SLC25A21: variants seen among roughly 807,000 people sequenced by gnomAD.
SLC25A21 encodes the protein solute carrier family 25 member 21.
In SLC25A21, 47 loss-of-function variants were observed where a neutral mutation model predicts 43.8. The ratio of observed to expected loss-of-function variants is 1.07; its 90% CI spans 0.85 to 1.37. The LOEUF is 1.37. SLC25A21 is among the 40% of genes most tolerant of loss of function. SLC25A21 has a pLI of 0.00. For synonymous variants in SLC25A21, 131 were observed against 121.3 expected (o/e 1.08, Z -0.52); for missense variants, 352 against 350.2 (o/e 1.00, Z -0.04).
intron 1 of SLC25A21, among the ~76,000 whole-genome samples, chr14:37,060,445 A>G (rs576518751): frequency 7.3e-5 from 11 of 150,200 alleles, no homozygotes; most frequent in African/African-American, 2.2e-4. Flanking sequence ...CAAGAGAAGT[A>G]GGGCATGGTG....
At chr14:36,805,523 T>TA (rs1281465790) in intron 3 of SLC25A21, among the ~76,000 whole-genome samples, 4 of 152,190 alleles carry the variant, frequency 2.6e-5, no homozygotes, top group African/African-American at 7.2e-5. Flanking sequence ...GAGGAACTGT[T>TA]ACTTTACAAC....
chr14:37,169,220 G>C (rs1266101561), intron 1 of SLC25A21, among the ~76,000 whole-genome samples: 2 of 152,092 alleles, frequency 1.3e-5, no homozygotes, highest in South Asian at 4.2e-4. Flanking sequence ...TTTGCTGTCT[G>C]TATAACTAAT....
intron 1 of SLC25A21, among the ~76,000 whole-genome samples, chr14:37,006,957 A>C (rs947352115): frequency 6.6e-6 from 1 of 152,150 alleles, no homozygotes; most frequent in Non-Finnish European, 1.5e-5. Context: ...AAACAAACAA[A>C]CCCAGCATAA....
intron 2 of SLC25A21, among the ~76,000 whole-genome samples, chr14:36,873,377 C>A (rs912103688): frequency 6.6e-6 from 1 of 152,152 alleles, no homozygotes; most frequent in African/African-American, 2.4e-5. Context: ...CTCACTGCAA[C>A]CTCTACCTCC....
intron 7 of SLC25A21, among the ~76,000 whole-genome samples, chr14:36,707,798 G>T (rs1352305798): frequency 1.3e-5 from 2 of 152,204 alleles, no homozygotes; most frequent in Admixed American, 6.5e-5. Context: ...GTACAGAGAA[G>T]ATTACAGTGG....
chr14:36,724,426 G>C (rs1305771019), intron 6 of SLC25A21, among the ~76,000 whole-genome samples: 2 of 152,240 alleles, frequency 1.3e-5, no homozygotes, highest in Non-Finnish European at 2.9e-5. Context: ...CCACCCATTA[G>C]CAGCTGCTTA....
chr14:36,707,017 T>A lies in SLC25A21; in HGVS notation c.603+4301A>T, dbSNP rs897694660. On this transcript the variant is annotated intron_variant, in intron 7 of 9. Transcript: ENST00000331299. The stretch of plus-strand genomic sequence containing the variant: ...GCCTACAAGGGCCAGTATGATCTGA[T>A]CCCCTTGTGTCTCTCTAGCAACATT... Among the ~76,000 whole-genome samples, 3 of 152,200 alleles carry A rather than the reference T, an allele frequency of 2.0e-5. No homozygotes were observed. The East Asian group carries it at 5.8e-4, about 29-fold the overall frequency.
At chr14:37,011,250 T>C (rs1174633106) in intron 1 of SLC25A21, among the ~76,000 whole-genome samples, 1 of 152,148 alleles carries the variant, frequency 6.6e-6, no homozygotes, top group Admixed American at 6.5e-5. Context: ...CTCAAACTCC[T>C]GCCCTCAAGA....
chr14:37,000,908 T>C (rs947589141), intron 1 of SLC25A21, among the ~76,000 whole-genome samples: 32 of 152,134 alleles, frequency 2.1e-4, no homozygotes, highest in Non-Finnish European at 4.3e-4. Context: ...TCCTGTTCAG[T>C]CTGTGAAACT....
At chr14:36,915,482 G>A (rs939382150) in intron 1 of SLC25A21, among the ~76,000 whole-genome samples, 8 of 152,034 alleles carry the variant, frequency 5.3e-5, no homozygotes, top group Admixed American at 3.3e-4. Flanking sequence ...TGAACATTTC[G>A]CCATGGAACC....
chr14:37,012,866 A>T (rs532889357), intron 1 of SLC25A21, among the ~76,000 whole-genome samples: 1 of 152,268 alleles, frequency 6.6e-6, no homozygotes, highest in South Asian at 2.1e-4. Context: ...CCACTGTCAG[A>T]ATGACAAAAC....
chr14:36,733,821 G>A (rs1448748069), intron 4 of SLC25A21, among the ~76,000 whole-genome samples: 1 of 152,186 alleles, frequency 6.6e-6, no homozygotes, highest in Non-Finnish European at 1.5e-5. Flanking sequence ...TCTGAGAGAA[G>A]ACAGTAGTCA....
intron 1 of SLC25A21, among the ~76,000 whole-genome samples, chr14:37,043,704 T>C (rs1484846732): frequency 6.6e-6 from 1 of 152,024 alleles, no homozygotes; most frequent in African/African-American, 2.4e-5. Flanking sequence ...ATCCTTTCTT[T>C]ATTCAAATTG....
At chr14:37,073,478 G>C (rs1281867843) in intron 1 of SLC25A21, among the ~76,000 whole-genome samples, 4 of 152,170 alleles carry the variant, frequency 2.6e-5, no homozygotes, top group African/African-American at 4.8e-5. Context: ...CTCCCAAAGA[G>C]CTGGGATTAC....
chr14:37,056,481 T>C (rs975909305), intron 1 of SLC25A21, among the ~76,000 whole-genome samples: 1 of 139,862 alleles, frequency 7.1e-6, no homozygotes. Context: ...ACAGCGAGAC[T>C]CCATCTCAAA....
chr14:36,784,827 C>T (rs1031964704), intron 3 of SLC25A21, among the ~76,000 whole-genome samples: 2 of 152,266 alleles, frequency 1.3e-5, no homozygotes, highest in African/African-American at 2.4e-5. Flanking sequence ...TACCAGGATT[C>T]CCATTTTACA....
intron 2 of SLC25A21, among the ~76,000 whole-genome samples, chr14:36,834,039 T>G (rs929824116): frequency 6.6e-6 from 1 of 152,210 alleles, no homozygotes; most frequent in Non-Finnish European, 1.5e-5. Flanking sequence ...TTGGACCTTT[T>G]GGTCATTTGT....
At chr14:36,819,118 C>T (rs1000189761) in intron 2 of SLC25A21, among the ~76,000 whole-genome samples, 7 of 152,122 alleles carry the variant, frequency 4.6e-5, no homozygotes, top group African/African-American at 1.7e-4. Flanking sequence ...GCTTAACATC[C>T]GATCAGAATC....
chr14:36,727,619 C>T (rs1189644840), intron 5 of SLC25A21, among the ~76,000 whole-genome samples: 11 of 151,806 alleles, frequency 7.2e-5, no homozygotes, highest in African/African-American at 1.7e-4. Context: ...ACCCAGGAGG[C>T]GGAGGTTGCA....
Sources: gnomAD v4.1 joint callset for allele counts (sites outside exome capture counted in the v4.1 genomes callset) on GRCh38, gnomAD v4.1.1 for gene constraint, MANE v1.5 for transcripts, NCBI Gene and HGNC (gene_info 2026-07-23, HGNC 2026-07-21) for gene names.